C1orf21: variants seen among roughly 807,000 people sequenced by gnomAD.
C1orf21 encodes uncharacterized protein C1orf21.
Under a neutral mutation model 18.7 loss-of-function variants are expected in C1orf21, and 3 were observed. That is an observed-to-expected ratio of 0.16 (90% CI 0.07 to 0.42). The LOEUF is 0.42. Ranked by LOEUF, C1orf21 falls within the 10% of genes least tolerant of loss-of-function variation. The pLI is 0.99. For synonymous variants in C1orf21, 41 were observed against 46.4 expected (o/e 0.88, Z 0.47); for missense variants, 104 against 143.6 (o/e 0.72, Z 1.41).
intron 1 of C1orf21, among the ~76,000 whole-genome samples, chr1:184,473,811 C>T (rs114708912): frequency 0.031 from 4,774 of 152,246 alleles, 224 homozygotes; most frequent in African/African-American, 0.1. Context: ...AATAGCTGTA[C>T]GTCATTGCTG....
At chr1:184,595,691 G>A (rs1659502213) in intron 4 of C1orf21, among the ~76,000 whole-genome samples, 1 of 152,172 alleles carries the variant, frequency 6.6e-6, no homozygotes, top group African/African-American at 2.4e-5. Context: ...GGTGACCCGT[G>A]TGGGCATTTG....
intron 3 of C1orf21, among the ~76,000 whole-genome samples, chr1:184,532,219 C>T (rs1658473685): frequency 6.6e-6 from 1 of 151,952 alleles, no homozygotes; most frequent in Non-Finnish European, 1.5e-5. Flanking sequence ...ACTTGTGTGA[C>T]CTTGAGCAAT....
intron 2 of C1orf21, among the ~76,000 whole-genome samples, chr1:184,505,315 A>G (rs1182179745): frequency 7.8e-6 from 1 of 127,966 alleles, no homozygotes; most frequent in Non-Finnish European, 1.6e-5. Flanking sequence ...AAATATATAT[A>G]TATATATATA....
chr1:184,519,021 C>T (rs962995351), intron 3 of C1orf21, among the ~76,000 whole-genome samples: 1 of 152,122 alleles, frequency 6.6e-6, no homozygotes, highest in Non-Finnish European at 1.5e-5. Context: ...ATTTGGCTAG[C>T]TGGGTGTTTT....
chr1:184,505,340 T>TATATATATATATATATATAC lies in C1orf21; in HGVS notation c.95-2247_95-2246insTATATATATATATATATACA, dbSNP rs1285554960. On this transcript the variant is annotated intron_variant, in intron 2 of 5. Coordinates refer to ENST00000235307, the MANE Select transcript of C1orf21 (RefSeq NM_030806.4). ...ATATATATATATATATATATATATATACACACATGCCATATATATATAGAC... is the reference window on the plus strand; with the variant it reads ...ATATATATATATATATATATATATATATATATATATATATATATACACACACATGCCATATATATATAGAC... Among the ~76,000 whole-genome samples, 12 of 118,674 alleles carry TATATATATATATATATATAC rather than the reference T, an allele frequency of 1.0e-4. 1 individual carries two copies. The highest frequency in any genetic ancestry group is 6.5e-5 in the Non-Finnish European group (4 of 61,600). 77.9% of individuals were successfully genotyped at this position (118,674 alleles called of 152,430 possible).
chr1:184,500,000 T>C (rs1283732889), intron 2 of C1orf21, among the ~76,000 whole-genome samples: 2 of 151,950 alleles, frequency 1.3e-5, no homozygotes, highest in African/African-American at 4.8e-5. Flanking sequence ...AGTAGGAGAG[T>C]CAGAGAAGGA....
chr1:184,519,377 T>C (rs1470774977), intron 3 of C1orf21, among the ~76,000 whole-genome samples: 1 of 152,222 alleles, frequency 6.6e-6, no homozygotes, highest in Non-Finnish European at 1.5e-5. Flanking sequence ...GCCTCTTCTC[T>C]AAGAGCAGGA....
chr1:184,427,320 T>TA (rs970139538), intron 1 of C1orf21, among the ~76,000 whole-genome samples: 5 of 152,198 alleles, frequency 3.3e-5, no homozygotes, highest in Admixed American at 2.6e-4. Flanking sequence ...ACTCCCATAT[T>TA]AAAAAATAAA....
Position 184,410,640 on chromosome 1 carries a change from TATATATATATATATATATATA to T in C1orf21, c.-125+23273_-125+23293del, listed in dbSNP as rs1364141046. ...TATTATATATATATATATATATATATATATATATATATATATATATATATTTTTTTTTTTTTTTTTTGAGAT... is the reference window on the plus strand; with the variant it reads ...TATTATATATATATATATATATATATTATTTTTTTTTTTTTTTTTTGAGAT... On this transcript the variant is annotated intron_variant, in intron 1 of 5. Transcript: ENST00000235307. Among the ~76,000 whole-genome samples, 15 of 4,894 alleles carry T rather than the reference TATATATATATATATATATATA, an allele frequency of 3.1e-3. 4 individuals carry two copies. The highest frequency in any genetic ancestry group is 0.013 in the East Asian group (2 of 150). 3.2% of individuals were successfully genotyped at this position (4,894 alleles called of 152,430 possible). A position where few individuals can be genotyped will look rare whatever the true frequency, so the allele number is the denominator to read the frequency against.
At chr1:184,569,229 C>T (rs532214317) in intron 3 of C1orf21, among the ~76,000 whole-genome samples, 1 of 152,310 alleles carries the variant, frequency 6.6e-6, no homozygotes, top group Admixed American at 6.5e-5. Context: ...TTTTCATAGT[C>T]TCTGGAGGAA....
chr1:184,557,026 A>G (rs767128954), intron 3 of C1orf21, among the ~76,000 whole-genome samples: 13 of 152,072 alleles, frequency 8.5e-5, no homozygotes, highest in Non-Finnish European at 1.5e-4. Flanking sequence ...GTTTCTCCTC[A>G]TTGACAAACA....
Position 184,628,257 on chromosome 1 carries a change from C to T in C1orf21, c.*8701C>T, listed in dbSNP as rs544609732. Reference sequence around the variant, plus strand: ...GCAAAAACTTCGTGAGATGCACTCTCTCTGTGTGTTTATTAATTTATTTAA... The same window carrying T: ...GCAAAAACTTCGTGAGATGCACTCTTTCTGTGTGTTTATTAATTTATTTAA... On this transcript the variant is annotated 3_prime_UTR_variant, in exon 6 of 6. Transcript: ENST00000235307. The T allele has an allele frequency of 1.3e-5, 2 of 152,340 alleles. No individual in the cohort carries two copies. Among genetic ancestry groups the T allele is most frequent in the African/African-American group, 4.8e-5 (2 of 41,586 alleles). The allele number at this position is 152,340 out of a possible 1,614,324, so 9.4% of individuals were successfully genotyped here.
chr1:184,389,512 T>C (rs1655937461), intron 1 of C1orf21, among the ~76,000 whole-genome samples: 1 of 152,236 alleles, frequency 6.6e-6, no homozygotes, highest in Admixed American at 6.5e-5. Flanking sequence ...TTCTGGGAAT[T>C]AATAGGCCAC....
intron 5 of C1orf21, among the ~76,000 whole-genome samples, chr1:184,611,620 T>C (rs1039603363): frequency 4.6e-5 from 7 of 152,086 alleles, no homozygotes; most frequent in Admixed American, 4.6e-4. Context: ...CTCTGGATGG[T>C]AAAACATGGA....
At chr1:184,504,712 T>C (rs1295772284) in intron 2 of C1orf21, among the ~76,000 whole-genome samples, 2 of 152,192 alleles carry the variant, frequency 1.3e-5, no homozygotes, top group Non-Finnish European at 2.9e-5. Flanking sequence ...GCCCAGCTTT[T>C]TTTGTTTTAT....
In C1orf21 at chr1:184,577,947, G is replaced by GT. The variant is rs201196718; in HGVS notation, c.190-12787dup. ...TCTTTGTCCGTTTGTTTTTTGTTTT[G>GT]TTTTTGTTTTTTTTTTTTTTTTTTG... On this transcript the variant is annotated intron_variant, in intron 3 of 5. Transcript: ENST00000235307. Among the ~76,000 whole-genome samples the GT allele has an allele frequency of 8.9e-3, 775 of 86,638 alleles. 12 individuals carry two copies. Among genetic ancestry groups the GT allele is most frequent in the Middle Eastern group, 0.017 (3 of 180 alleles). 56.8% of individuals were successfully genotyped at this position (86,638 alleles called of 152,430 possible).
intron 2 of C1orf21, among the ~76,000 whole-genome samples, chr1:184,502,515 T>G (rs1657991804): frequency 6.6e-6 from 1 of 152,178 alleles, no homozygotes; most frequent in Non-Finnish European, 1.5e-5. Context: ...TTTTTTTCGT[T>G]TGCTTGTTTA....
chr1:184,414,992 A>G (rs1235021063), intron 1 of C1orf21, among the ~76,000 whole-genome samples: 1 of 152,198 alleles, frequency 6.6e-6, no homozygotes, highest in Non-Finnish European at 1.5e-5. Context: ...TACTTAATAA[A>G]CAGTGCATTG....
chr1:184,418,100 T>C (rs1366547635), intron 1 of C1orf21, among the ~76,000 whole-genome samples: 1 of 152,226 alleles, frequency 6.6e-6, no homozygotes, highest in Non-Finnish European at 1.5e-5. Flanking sequence ...GAAGAGAAGC[T>C]GACCCTTCTG....
Sources: allele counts gnomAD v4.1 joint callset (sites outside exome capture counted in the v4.1 genomes callset), GRCh38; gene constraint gnomAD v4.1.1; transcripts MANE v1.5; gene names NCBI Gene and HGNC (gene_info 2026-07-23, HGNC 2026-07-21).